Variants in CEP63 observed in about 807,000 individuals in gnomAD.
CEP63 encodes centrosomal protein 63.
CEP63 carries 84 observed loss-of-function variants against 89.1 expected under a neutral mutation model. The observed-to-expected ratio is 0.94, with a 90% CI of 0.79 to 1.13. The LOEUF (loss-of-function observed/expected upper bound fraction) is 1.13. Ranked by LOEUF, CEP63 falls within the 50% of genes most tolerant of loss-of-function variation. The probability of loss-of-function intolerance (pLI) is 0.00; values close to 1 mark genes in which losing one functional copy is unlikely to be tolerated. For missense variants in CEP63, 838 were observed against 813.3 expected (o/e 1.03, Z -0.37); for synonymous variants, 267 against 272.5 (o/e 0.98, Z 0.20).
chr3:134,707,643 G>A, the CEP63 span, among the ~76,000 whole-genome samples: 1 of 151,722 alleles, frequency 6.6e-6, no homozygotes, highest in Non-Finnish European at 1.5e-5. Context: ...CTTTCAGGTT[G>A]TACAACGGTG....
chr3:134,608,897 A>G, the CEP63 span: 2 of 1,550,768 alleles, frequency 1.3e-6, no homozygotes, highest in Admixed American at 1.9e-5. Context: ...CAGGGGCCCA[A>G]TACACCCACC....
At chr3:134,749,142 C>T in the CEP63 span, among the ~76,000 whole-genome samples, 1 of 152,194 alleles carries the variant, frequency 6.6e-6, no homozygotes, top group Admixed American at 6.5e-5. Flanking sequence ...AGACTTTTCA[C>T]TAGGTCAGTG....
chr3:134,703,035 C>A, the CEP63 span, among the ~76,000 whole-genome samples: 2 of 152,270 alleles, frequency 1.3e-5, no homozygotes, highest in South Asian at 4.1e-4. Flanking sequence ...GTCACTCATG[C>A]CTGTAATCCC....
Position 134,543,976 on chromosome 3 carries a change from G to A in CEP63, c.556-1610G>A, listed in dbSNP as rs141895370. The stretch of plus-strand genomic sequence containing the variant: ...GGGATCTGGTTAAAAAAAAAAAAAG[G>A]CTCTTTGCACTGAAATCTTGATCGG... On this transcript the variant is annotated intron_variant, in intron 6 of 14. Transcript: ENST00000675561. Among the ~76,000 whole-genome samples, 661 of 146,472 alleles carry A rather than the reference G, an allele frequency of 4.5e-3. 2 individuals carry two copies. The highest frequency in any genetic ancestry group is 8.1e-3 in the Non-Finnish European group (543 of 66,972).
chr3:134,660,749 C>A, the CEP63 span, among the ~76,000 whole-genome samples: 1 of 152,134 alleles, frequency 6.6e-6, no homozygotes, highest in East Asian at 1.9e-4. Flanking sequence ...GTCCTGTGGG[C>A]AAAGCAGACT....
intron 3 of CEP63, among the ~76,000 whole-genome samples, chr3:134,514,145 C>T (rs948266016): frequency 6.6e-6 from 1 of 151,298 alleles, no homozygotes; most frequent in Admixed American, 6.6e-5. Flanking sequence ...TTGAGCATTT[C>T]GAAAAAGAAT....
chr3:134,568,563 C>A (rs1042170262), downstream of CEP63, among the ~76,000 whole-genome samples: 1 of 152,104 alleles, frequency 6.6e-6, no homozygotes, highest in Non-Finnish European at 1.5e-5. Flanking sequence ...GTAGCCTGTT[C>A]ATATTAATAA....
chr3:134,608,173 C>G, the CEP63 span: 3 of 1,168,560 alleles, frequency 2.6e-6, no homozygotes, highest in Non-Finnish European at 2.1e-6. Context: ...TGTATTCTCT[C>G]CAGCAGGAGT....
intron 3 of CEP63, among the ~76,000 whole-genome samples, chr3:134,516,772 A>T (rs1946345159): frequency 6.6e-6 from 1 of 152,210 alleles, no homozygotes; most frequent in Admixed American, 6.5e-5. Flanking sequence ...AAGGTTACAG[A>T]TTAACAGCAT....
the CEP63 span, among the ~76,000 whole-genome samples, chr3:134,756,302 T>C: frequency 6.6e-6 from 1 of 152,258 alleles, no homozygotes; most frequent in African/African-American, 2.4e-5. Flanking sequence ...ATCTTAGCAC[T>C]GTACTTTTGG....
the CEP63 span, among the ~76,000 whole-genome samples, chr3:134,771,934 C>T: frequency 6.6e-6 from 1 of 152,198 alleles, no homozygotes; most frequent in Non-Finnish European, 1.5e-5. Flanking sequence ...GAGAAATAAC[C>T]AGATTATTCT....
the CEP63 span, among the ~76,000 whole-genome samples, chr3:134,704,783 T>A: frequency 0.93 from 141,196 of 152,310 alleles, 65,768 homozygotes; most frequent in East Asian, 1. Flanking sequence ...GGACTTGCTC[T>A]TGGGCTGGGA....
downstream of CEP63, among the ~76,000 whole-genome samples, chr3:134,567,313 C>CT (rs1484113516): frequency 6.6e-6 from 1 of 151,932 alleles, no homozygotes; most frequent in Non-Finnish European, 1.5e-5. Flanking sequence ...GAGGTGAAGA[C>CT]TAAAGGGTAT....
At chr3:134,485,991 G>GCCCCCCC (rs5852785), upstream of CEP63, 90 of 940,630 alleles carry the variant, frequency 9.6e-5, no homozygotes, top group African/African-American at 7.1e-4. Context: ...CTCCTGCCAC[G>GCCCCCCC]CCCCCCCCCC....
chr3:134,696,058 C>T, the CEP63 span, among the ~76,000 whole-genome samples: 1 of 152,198 alleles, frequency 6.6e-6, no homozygotes, highest in African/African-American at 2.4e-5. Context: ...CCTTGTCTGC[C>T]TAATAAGACA....
intron 1 of CEP63, among the ~76,000 whole-genome samples, chr3:134,490,350 C>T (rs1937183517): frequency 6.6e-6 from 1 of 151,874 alleles, no homozygotes; most frequent in Non-Finnish European, 1.5e-5. Context: ...TTTTTTTCCT[C>T]ATCCTATGTT....
At chr3:134,491,806 C>T (rs1052659835) in intron 1 of CEP63, among the ~76,000 whole-genome samples, 4 of 152,256 alleles carry the variant, frequency 2.6e-5, no homozygotes, top group African/African-American at 9.6e-5. Context: ...GGACAGAGAG[C>T]ATTGTTATCC....
At chr3:134,509,533 A>G (rs772327835) in intron 3 of CEP63, among the ~76,000 whole-genome samples, 2 of 152,168 alleles carry the variant, frequency 1.3e-5, no homozygotes, top group Non-Finnish European at 2.9e-5. Context: ...CTATTAAGTA[A>G]TGATGATGGT....
At chr3:134,516,057 C>T (rs573042537) in intron 3 of CEP63, among the ~76,000 whole-genome samples, 4 of 152,146 alleles carry the variant, frequency 2.6e-5, no homozygotes, top group South Asian at 4.2e-4. Flanking sequence ...AGGGGACCGG[C>T]GTTCAGCATA....
Sources: gnomAD v4.1 joint callset for allele counts (sites outside exome capture counted in the v4.1 genomes callset) on GRCh38, gnomAD v4.1.1 for gene constraint, MANE v1.5 for transcripts, NCBI Gene and HGNC (gene_info 2026-07-23, HGNC 2026-07-21) for gene names.